The following ERAP1 variants were observed in gnomAD, a reference collection of about 807,000 sequenced individuals.
The protein encoded by ERAP1 is endoplasmic reticulum aminopeptidase 1, also known as adipocyte-derived leucine aminopeptidase.
ERAP1 carries 86 observed loss-of-function variants against 103.7 expected under a neutral mutation model. That is an observed-to-expected ratio of 0.83 (90% CI 0.70 to 0.99). The LOEUF (loss-of-function observed/expected upper bound fraction) is 0.99. Ranked by LOEUF, ERAP1 falls within the 50% of genes least tolerant of loss-of-function variation. The probability of loss-of-function intolerance (pLI) is 0.00; values close to 1 mark genes in which losing one functional copy is unlikely to be tolerated. For missense variants in ERAP1, 1,009 were observed against 1,128.4 expected (o/e 0.89, Z 1.52); for synonymous variants, 398 against 402.4 (o/e 0.99, Z 0.13).
intron 19 of ERAP1, among the ~76,000 whole-genome samples, chr5:96,765,569 G>C (rs776126811): frequency 2.0e-5 from 3 of 152,058 alleles, no homozygotes; most frequent in Non-Finnish European, 4.4e-5. Context: ...GGTATGCATG[G>C]CTTCCTCCCA....
chr5:96,892,227 T>G, the ERAP1 span: 1 of 1,502,524 alleles, frequency 6.7e-7, no homozygotes, highest in Non-Finnish European at 9.2e-7. Context: ...CATAGTGTAT[T>G]TGAGCAGAGA....
chr5:96,814,281 G>T, the ERAP1 span: 1 of 456,254 alleles, frequency 2.2e-6, no homozygotes, highest in South Asian at 1.5e-5. Flanking sequence ...TATCCTATGG[G>T]TTAGAAGCAA....
the ERAP1 span, among the ~76,000 whole-genome samples, chr5:96,867,437 C>T: frequency 6.6e-6 from 1 of 152,148 alleles, no homozygotes; most frequent in African/African-American, 2.4e-5. Context: ...TTAGACAGGG[C>T]ATAGCTAGGA....
At chr5:96,802,828 A>G (rs1778145604) in intron 2 of ERAP1, among the ~76,000 whole-genome samples, 1 of 152,104 alleles carries the variant, frequency 6.6e-6, no homozygotes, top group Non-Finnish European at 1.5e-5. Context: ...TCCTTATAAG[A>G]AGATGGAGAC....
the ERAP1 span, among the ~76,000 whole-genome samples, chr5:96,823,404 C>A: frequency 6.6e-6 from 1 of 152,196 alleles, no homozygotes; most frequent in Non-Finnish European, 1.5e-5. Context: ...CCGCCATCCT[C>A]CTCATTCGAG....
chr5:96,903,503 C>G, the ERAP1 span: 2 of 1,614,020 alleles, frequency 1.2e-6, no homozygotes, highest in Non-Finnish European at 8.5e-7. Flanking sequence ...CAGAACCACA[C>G]ACTTCTCAGA....
In ERAP1 at chr5:96,775,416, C is replaced by T; in HGVS notation, c.*980G>A. On this transcript the variant is annotated 3_prime_UTR_variant, in exon 19 of 19. Coordinates refer to ENST00000443439, the MANE Select transcript of ERAP1 (RefSeq NM_001040458.3). ...GTTAGTTAGAAATTGTAAAGTAGGC[C>T]AAATAAGAAGCAGAGAGAGAAAAAA... The T allele has an allele frequency of 1.0e-6, 1 of 985,222 alleles. No individual in the cohort carries two copies. Among genetic ancestry groups the T allele is most frequent in the Admixed American group, 6.1e-5 (1 of 16,266 alleles). The allele number at this position is 985,222 out of a possible 1,614,324, so 61.0% of individuals were successfully genotyped here.
the ERAP1 span, among the ~76,000 whole-genome samples, chr5:96,872,481 C>T: frequency 2.6e-5 from 4 of 152,080 alleles, no homozygotes; most frequent in Admixed American, 2.6e-4. Context: ...CACCTGTAGC[C>T]CCAGCTACTT....
chr5:96,872,890 T>A, the ERAP1 span, among the ~76,000 whole-genome samples: 6 of 152,196 alleles, frequency 3.9e-5, no homozygotes. Flanking sequence ...ATATGTAATA[T>A]ATTTAATAGA....
At chr5:96,913,587 C>A in the ERAP1 span, 2 of 1,135,402 alleles carry the variant, frequency 1.8e-6, no homozygotes, top group Non-Finnish European at 2.5e-6. Flanking sequence ...TCAGTGGAGT[C>A]AACTTTGAAA....
the ERAP1 span, among the ~76,000 whole-genome samples, chr5:96,847,239 C>T: frequency 1.5e-5 from 2 of 134,228 alleles, no homozygotes; most frequent in African/African-American, 5.4e-5. Context: ...CAGAGCAAGA[C>T]TCCATCTCAA....
the ERAP1 span, among the ~76,000 whole-genome samples, chr5:96,864,591 G>A: frequency 5.8e-4 from 89 of 152,156 alleles, 1 homozygote; most frequent in African/African-American, 2.1e-3. Flanking sequence ...AGGTTTTAAG[G>A]TTATTTTCCA....
At chr5:96,873,199 T>A in the ERAP1 span, 3 of 367,678 alleles carry the variant, frequency 8.2e-6, no homozygotes, top group African/African-American at 2.1e-5. Context: ...AAAAAAAAAA[T>A]CATGAAAATT....
chr5:96,776,407 C>G lies in ERAP1; in HGVS notation c.2815G>C (p.Glu939Gln), dbSNP rs757184620. The G allele has an allele frequency of 6.2e-7, 1 of 1,611,678 alleles. No individual in the cohort carries two copies. Among genetic ancestry groups the G allele is most frequent in the South Asian group, 1.1e-5 (1 of 90,498 alleles). The change falls in exon 19 of 19, where the codon GAA (glutamate) becomes CAA (glutamine). Residue 939 changes from glutamate (E) to glutamine (Q), a missense_variant. Glu to Gln is a conservative substitution (Grantham distance 29). Around this residue, in one of 3 missense-constraint regions of ERAP1, gnomAD observed 611 missense variants for 651.7 expected, o/e 0.94. Transcript: ENST00000443439. The part of the protein sequence containing the change: ...IRVWLQSEKL[E>Q]RM ...CAAGGGAGGAATTTTTACATACGTT[C>G]AAGCTTTTCACTTTGCAGCCACACT...
chr5:96,776,528 C>G lies in ERAP1; in HGVS notation c.2694G>C (p.Leu898Phe), dbSNP rs1473435622. 3 of 1,613,920 alleles carry G rather than the reference C, an allele frequency of 1.9e-6. No individual in the cohort carries two copies. The African/African-American group carries it at 4.0e-5, about 22-fold the overall frequency. ...AACGGAGCTGAGAACCATTTTCTTT[C>G]AAAGAGCTGAAGAATCCTTTTACCT... is the stretch of plus-strand genomic sequence containing the variant. ...LEEVKGFFSS[L>F]KENGSQLRCV... Residue 898 changes from leucine (L) to phenylalanine (F), a missense_variant, in exon 19 of 19, where the codon TTG (leucine) becomes TTC (phenylalanine). Leu to Phe is a conservative substitution (Grantham distance 22). Around this residue, in one of 3 missense-constraint regions of ERAP1, gnomAD observed 611 missense variants for 651.7 expected, o/e 0.94. Transcript: ENST00000443439.
chr5:96,797,195 T>A lies in ERAP1; in HGVS notation c.778A>T (p.Ile260Leu). 1 of 1,614,192 alleles carries A rather than the reference T, an allele frequency of 6.2e-7. No individual in the cohort carries two copies. Among genetic ancestry groups the A allele is most frequent in the Non-Finnish European group, 8.5e-7 (1 of 1,180,030 alleles). The change falls in exon 4 of 19, where the codon ATA becomes TTA. Residue 260 changes from isoleucine (I) to leucine (L), a missense_variant. Physicochemically the swap from Ile to Leu is conservative, Grantham distance 5. Coordinates refer to ENST00000443439, the MANE Select transcript of ERAP1 (RefSeq NM_001040458.3). ...CTCACCTTGACTCCACTCTTGGTTA[T>A]CTTGCTGACAGACTCAAAATCTGAA... is the stretch of plus-strand genomic sequence containing the variant. ...IISDFESVSK[I>L]TKSGVKVSVY...
chr5:96,900,825 C>T, the ERAP1 span, among the ~76,000 whole-genome samples: 2 of 152,108 alleles, frequency 1.3e-5, no homozygotes, highest in Non-Finnish European at 2.9e-5. Context: ...TACAGGCACA[C>T]ACCACCATGC....
chr5:96,909,585 C>T, the ERAP1 span: 82 of 1,613,530 alleles, frequency 5.1e-5, no homozygotes, highest in Middle Eastern at 2.0e-3. Flanking sequence ...TGCAGCGTTA[C>T]CTTCTTCAGT....
chr5:96,909,638 G>A, the ERAP1 span: 216 of 1,614,018 alleles, frequency 1.3e-4, no homozygotes, highest in Admixed American at 3.3e-4. Flanking sequence ...AGTGACAAGG[G>A]CTCAGTCTGG....
Sources: allele counts gnomAD v4.1 joint callset (sites outside exome capture counted in the v4.1 genomes callset), GRCh38; gene constraint gnomAD v4.1.1; regional missense constraint gnomAD v4.1.1; transcripts MANE v1.5; gene names NCBI Gene and HGNC (gene_info 2026-07-23, HGNC 2026-07-21).